Variants in BCL2 observed in about 807,000 individuals in gnomAD.
BCL2 encodes the protein BCL2 apoptosis regulator, also known as apoptosis regulator Bcl-2.
Under a neutral mutation model 14.2 loss-of-function variants are expected in BCL2, and 1 was observed. That is an observed-to-expected ratio of 0.07 (90% CI 0.02 to 0.33). The LOEUF (loss-of-function observed/expected upper bound fraction) is 0.33. Ranked by LOEUF, BCL2 falls within the 10% of genes least tolerant of loss-of-function variation. BCL2 has a pLI of 0.99. For synonymous variants in BCL2, 151 were observed against 137.2 expected (o/e 1.10, Z -0.70); for missense variants, 247 against 305.9 (o/e 0.81, Z 1.44).
At chr18:63,240,253 T>G (rs565270748) in intron 2 of BCL2, among the ~76,000 whole-genome samples, 1 of 152,344 alleles carries the variant, frequency 6.6e-6, no homozygotes, top group Admixed American at 6.5e-5. Context: ...CCTCCCAAAG[T>G]GCTGGGATTA....
chr18:63,281,028 A>G (rs1912293760), intron 2 of BCL2, among the ~76,000 whole-genome samples: 1 of 152,226 alleles, frequency 6.6e-6, no homozygotes, highest in Admixed American at 6.5e-5. Flanking sequence ...GCTGTGACAC[A>G]GGCCAAAACA....
At chr18:63,169,359 T>TTCTTTCTTTCTTTCTTTC (rs1915155043) in intron 2 of BCL2, among the ~76,000 whole-genome samples, 2 of 64,938 alleles carry the variant, frequency 3.1e-5, no homozygotes, top group African/African-American at 7.8e-5. Flanking sequence ...CTTTCTTTCT[T>TTCTTTCTTTCTTTCTTTC]TCTTTCTTTC....
intron 2 of BCL2, among the ~76,000 whole-genome samples, chr18:63,135,799 T>C (rs1914192960): frequency 1.3e-5 from 2 of 152,144 alleles, no homozygotes; most frequent in Admixed American, 1.3e-4. Context: ...CTAACCATTA[T>C]CTTCTCTGTC....
At position 63,243,029 on chromosome 18, in the gene BCL2, G is replaced by A. The variant is rs114735968; in HGVS notation, c.585+75053C>T. ...TTGGGTAAGGTATGTTCTTCAAGGC[G>A]AAAATCACTGAATATGAAGTGCAAA... On this transcript the variant is annotated intron_variant, in intron 2 of 2. Coordinates refer to ENST00000333681, the MANE Select transcript of BCL2 (RefSeq NM_000633.3). Among the ~76,000 whole-genome samples, 765 of 152,216 alleles carry A rather than the reference G, an allele frequency of 5.0e-3. 8 individuals carry two copies. Among genetic ancestry groups the A allele is most frequent in the African/African-American group, 0.016 (683 of 41,538 alleles).
At chr18:63,238,948 C>G (rs1910917522) in intron 2 of BCL2, among the ~76,000 whole-genome samples, 1 of 152,196 alleles carries the variant, frequency 6.6e-6, no homozygotes, top group Non-Finnish European at 1.5e-5. Flanking sequence ...AACGAGAGAG[C>G]AGAGCCCCTG....
intron 2 of BCL2, among the ~76,000 whole-genome samples, chr18:63,223,411 A>T (rs953320897): frequency 2.1e-5 from 3 of 145,706 alleles, no homozygotes; most frequent in East Asian, 2.0e-4. Flanking sequence ...AAAAAAAAAA[A>T]TAAATAAAGA....
chr18:63,289,281 A>G (rs1477124851), intron 2 of BCL2, among the ~76,000 whole-genome samples: 1 of 152,214 alleles, frequency 6.6e-6, no homozygotes, highest in Non-Finnish European at 1.5e-5. Flanking sequence ...CACAAAAAAA[A>G]AGAAAAAGGC....
chr18:63,289,273 C>CA (rs955133900), intron 2 of BCL2, among the ~76,000 whole-genome samples: 57 of 147,188 alleles, frequency 3.9e-4, no homozygotes, highest in African/African-American at 9.0e-4. Context: ...AAAAATGGCA[C>CA]AAAAAAAAAG....
chr18:63,164,808 G>A (rs1545812), intron 2 of BCL2, among the ~76,000 whole-genome samples: 43,949 of 152,096 alleles, frequency 0.29, 8,824 homozygotes, highest in African/African-American at 0.54. Context: ...GAACGTCAGC[G>A]TTCAAGGTAA....
chr18:63,293,958 C>G (rs1266880308), intron 2 of BCL2, among the ~76,000 whole-genome samples: 1 of 114,596 alleles, frequency 8.7e-6, no homozygotes, highest in Non-Finnish European at 2.0e-5. Flanking sequence ...TGCTTTTTTT[C>G]TCTTTTTTTT....
intron 2 of BCL2, among the ~76,000 whole-genome samples, chr18:63,261,556 G>A (rs1911659421): frequency 6.6e-6 from 1 of 152,192 alleles, no homozygotes; most frequent in Admixed American, 6.5e-5. Context: ...TCAGCGTGGA[G>A]TTGTTGAATG....
At chr18:63,256,166 G>C (rs542959950) in intron 2 of BCL2, among the ~76,000 whole-genome samples, 4 of 152,312 alleles carry the variant, frequency 2.6e-5, no homozygotes, top group African/African-American at 9.6e-5. Context: ...AGTTTTACTA[G>C]TTATATTACC....
chr18:63,155,525 A>G lies in BCL2; in HGVS notation c.586-26766T>C, dbSNP rs976087566. 3.3e-5 allele frequency among the ~76,000 whole-genome samples: 5 copies of G among 151,732 alleles called. No individual in the cohort carries two copies. In the East Asian group the frequency reaches 7.7e-4, roughly 23 times the overall value. On this transcript the variant is annotated intron_variant, in intron 2 of 2. Transcript: ENST00000333681. ...GCTGGGGTGGAGGCCACAGGGGCCC[A>G]GGAGTGCAGGGTGGGCGCGGTAAAG...
At chr18:63,285,415 G>A (rs1301205171) in intron 2 of BCL2, among the ~76,000 whole-genome samples, 7 of 152,160 alleles carry the variant, frequency 4.6e-5, no homozygotes, top group African/African-American at 1.7e-4. Context: ...TTCTGGGAAC[G>A]GAAGGGGACC....
intron 2 of BCL2, among the ~76,000 whole-genome samples, chr18:63,288,771 A>G (rs1912547412): frequency 6.6e-6 from 1 of 152,246 alleles, no homozygotes; most frequent in Non-Finnish European, 1.5e-5. Flanking sequence ...AAGTTTAATC[A>G]CAGAAGAACA....
At chr18:63,236,871 T>C (rs1268772886) in intron 2 of BCL2, among the ~76,000 whole-genome samples, 2 of 152,208 alleles carry the variant, frequency 1.3e-5, no homozygotes, top group South Asian at 2.1e-4. Flanking sequence ...TGGGCTCTTC[T>C]TGTTTAAAAT....
chr18:63,201,042 AT>A (rs1909675452), intron 2 of BCL2, among the ~76,000 whole-genome samples: 1 of 152,322 alleles, frequency 6.6e-6, no homozygotes, highest in South Asian at 2.1e-4. Flanking sequence ...CAAATGGGCA[AT>A]GTGCAGGCAG....
At chr18:63,247,575 C>T (rs955162328) in intron 2 of BCL2, among the ~76,000 whole-genome samples, 1 of 152,118 alleles carries the variant, frequency 6.6e-6, no homozygotes, top group Non-Finnish European at 1.5e-5. Context: ...GGGGAAGAAC[C>T]AGAAAAACAT....
intron 2 of BCL2, among the ~76,000 whole-genome samples, chr18:63,220,516 T>C (rs145946309): frequency 3.4e-4 from 52 of 152,312 alleles, no homozygotes; most frequent in Middle Eastern, 6.8e-3. Context: ...TCAGGCTCTA[T>C]CTAAAAGAAC....
Sources: gnomAD v4.1 joint callset for allele counts (sites outside exome capture counted in the v4.1 genomes callset) on GRCh38, gnomAD v4.1.1 for gene constraint, MANE v1.5 for transcripts, NCBI Gene and HGNC (gene_info 2026-07-23, HGNC 2026-07-21) for gene names.